CHD1L: variants seen among roughly 807,000 people sequenced by gnomAD.
CHD1L encodes chromodomain helicase DNA binding protein 1 like.
A neutral mutation model predicts 115.9 loss-of-function variants in CHD1L; 118 were observed. That is an observed-to-expected ratio of 1.02 (90% confidence interval 0.88 to 1.19). The LOEUF (loss-of-function observed/expected upper bound fraction) is 1.19. Among genes scored for constraint, CHD1L ranks in the 50% most tolerant of loss-of-function variants. The probability of loss-of-function intolerance (pLI) is 0.00; values close to 1 mark genes in which losing one functional copy is unlikely to be tolerated. For missense variants in CHD1L, 1,179 were observed against 1,065.3 expected (o/e 1.11, Z -1.49); for synonymous variants, 411 against 387.1 (o/e 1.06, Z -0.72).
At chr1:147,187,645 CTA>C in the CHD1L span, among the ~76,000 whole-genome samples, 1 of 152,260 alleles carries the variant, frequency 6.6e-6, no homozygotes, top group East Asian at 1.9e-4. Context: ...ATGGCATCCT[CTA>C]TTATTTGATG....
chr1:147,276,356 T>C, intron 14 of CHD1L, 99 bp downstream of exon 14: 38 of 1,248,628 alleles, frequency 3.0e-5, no homozygotes, highest in Admixed American at 6.6e-5. Flanking sequence ...TCTCCCCAGC[T>C]ACACATTTGT....
intron 1 of CHD1L, among the ~76,000 whole-genome samples, chr1:147,251,470 A>G (rs1668380848): frequency 6.6e-6 from 1 of 152,222 alleles, no homozygotes; most frequent in African/African-American, 2.4e-5. Flanking sequence ...AAATGGGGAT[A>G]ATACCTACTC....
At chr1:147,217,070 G>T in the CHD1L span, among the ~76,000 whole-genome samples, 1 of 151,024 alleles carries the variant, frequency 6.6e-6, no homozygotes, top group Non-Finnish European at 1.5e-5. Context: ...GAGAAACCCT[G>T]TCTCTACTAA....
At chr1:147,257,902 A>C (rs1231272234) in intron 5 of CHD1L, among the ~76,000 whole-genome samples, 2 of 152,178 alleles carry the variant, frequency 1.3e-5, no homozygotes, top group African/African-American at 4.8e-5. Flanking sequence ...CAGAAATAGA[A>C]TCTTTCTATT....
chr1:147,179,642 A>G, the CHD1L span: 12 of 1,388,474 alleles, frequency 8.6e-6, no homozygotes, highest in African/African-American at 1.3e-4. Flanking sequence ...GTAGGCAAAC[A>G]CCACTTTGTA....
intron 19 of CHD1L, among the ~76,000 whole-genome samples, chr1:147,289,242 A>G (rs1553968447): frequency 3.3e-5 from 5 of 152,094 alleles, no homozygotes; most frequent in East Asian, 3.9e-4. Flanking sequence ...ATCATGTGGG[A>G]GAGAGGATGG....
chr1:147,261,686 T>C (rs1266180898), intron 6 of CHD1L, among the ~76,000 whole-genome samples: 28 of 152,128 alleles, frequency 1.8e-4, no homozygotes, highest in Admixed American at 1.8e-3. Flanking sequence ...GTTCTGTTGC[T>C]GGCCCCAGAG....
the CHD1L span, among the ~76,000 whole-genome samples, chr1:147,228,768 G>A: frequency 2.6e-5 from 4 of 152,206 alleles, no homozygotes; most frequent in Admixed American, 6.5e-5. Flanking sequence ...CAGTGATGAT[G>A]AGCATTTTTT....
chr1:147,243,606 G>C (rs1452730482), intron 1 of CHD1L, among the ~76,000 whole-genome samples: 1 of 152,054 alleles, frequency 6.6e-6, no homozygotes, highest in African/African-American at 2.4e-5. Flanking sequence ...GCGCTGACTC[G>C]CCGCTGAACC....
the CHD1L span, among the ~76,000 whole-genome samples, chr1:147,218,351 T>C: frequency 2.6e-5 from 4 of 152,176 alleles, no homozygotes; most frequent in South Asian, 6.2e-4. Context: ...TTTTCCTGCC[T>C]CAGCCTCCCG....
At chr1:147,187,534 G>C in the CHD1L span, among the ~76,000 whole-genome samples, 1 of 152,170 alleles carries the variant, frequency 6.6e-6, no homozygotes, top group Admixed American at 6.5e-5. Context: ...CTTGAAGGAT[G>C]TGAAAGATAC....
Position 147,286,104 on chromosome 1 carries a change from T to C in CHD1L, c.2019-194T>C, listed in dbSNP as rs184354785. The stretch of plus-strand genomic sequence containing the variant: ...AGGAACATTCAGGGAGTGCTCATTA[T>C]TGAATTGTAGTCAGGAAGCAGTTAG... On this transcript the variant is annotated intron_variant, in intron 17 of 22. Coordinates refer to ENST00000369258, the MANE Select transcript of CHD1L (RefSeq NM_004284.6). Among the ~76,000 whole-genome samples the C allele has an allele frequency of 1.1e-3, 172 of 152,368 alleles. 1 individual carries two copies. Among genetic ancestry groups the C allele is most frequent in the African/African-American group, 3.8e-3 (157 of 41,590 alleles).
chr1:147,188,707 C>G, the CHD1L span, among the ~76,000 whole-genome samples: 6 of 149,788 alleles, frequency 4.0e-5, no homozygotes, highest in Admixed American at 2.0e-4. Context: ...TACACATGTA[C>G]CCTAGAACTT....
the CHD1L span, among the ~76,000 whole-genome samples, chr1:147,228,931 T>G: frequency 6.6e-6 from 1 of 152,312 alleles, no homozygotes; most frequent in African/African-American, 2.4e-5. Context: ...ATGAGTAGAT[T>G]GCAAAAATTT....
chr1:147,260,065 C>A, intron 6 of CHD1L, 147 bp downstream of exon 6: 1 of 573,866 alleles, frequency 1.7e-6, no homozygotes, highest in African/African-American at 1.9e-5. Flanking sequence ...GTACAGCTGT[C>A]CCCTGTCCCC....
At chr1:147,212,316 T>C in the CHD1L span, 1 of 1,463,374 alleles carries the variant, frequency 6.8e-7, no homozygotes, top group Non-Finnish European at 9.5e-7. Context: ...CTATTCTCTG[T>C]TGGGTCCACC....
At chr1:147,191,494 G>A in the CHD1L span, among the ~76,000 whole-genome samples, 2 of 151,978 alleles carry the variant, frequency 1.3e-5, no homozygotes, top group South Asian at 4.2e-4. Context: ...TTTGAGAAGT[G>A]TCTGTTCATA....
the CHD1L span, chr1:147,213,527 G>C: frequency 6.9e-7 from 1 of 1,450,942 alleles, no homozygotes; most frequent in Non-Finnish European, 9.2e-7. Flanking sequence ...TCCTTGCATA[G>C]TGTTACACAA....
rs1160506518 is a variant in CHD1L at position 147,278,841 on chromosome 1, A to G, written c.1540-1185A>G. Among the ~76,000 whole-genome samples the G allele has an allele frequency of 3.3e-5, 5 of 152,172 alleles. No individual in the cohort carries two copies. The South Asian group carries it at 6.2e-4, about 19-fold the overall frequency. ...AAGGTTATTCAGATTTAGGATTCCA[A>G]TCCAAGCACTCTCTAACCTCCGAGC... On this transcript the variant is annotated intron_variant, in intron 14 of 22. Transcript: ENST00000369258.
Sources: allele counts gnomAD v4.1 joint callset (sites outside exome capture counted in the v4.1 genomes callset), GRCh38; gene constraint gnomAD v4.1.1; transcripts MANE v1.5; gene names NCBI Gene and HGNC (gene_info 2026-07-23, HGNC 2026-07-21).